The following BACE2 variants were observed in gnomAD, a reference collection of about 807,000 sequenced individuals.
BACE2 encodes beta-secretase 2.
BACE2 carries 17 observed loss-of-function variants against 46.2 expected under a neutral mutation model. That is an observed-to-expected ratio of 0.37 (90% CI 0.25 to 0.55). The LOEUF is 0.55. BACE2 is among the 20% of genes least tolerant of loss of function. The pLI, the probability that BACE2 is intolerant of heterozygous loss-of-function variation, is 0.82. For synonymous variants in BACE2, 277 were observed against 295.9 expected (o/e 0.94, Z 0.66); for missense variants, 595 against 698.1 (o/e 0.85, Z 1.66).
intron 1 of BACE2, chr21:41,181,386 T>C (rs2123498167): frequency 6.0e-6 from 1 of 167,214 alleles, no homozygotes. Flanking sequence ...TGAACAATCT[T>C]TGTTTTCTAG....
chr21:41,189,971 G>A (rs1186603019), intron 1 of BACE2, among the ~76,000 whole-genome samples: 1 of 152,204 alleles, frequency 6.6e-6, no homozygotes, highest in Non-Finnish European at 1.5e-5. Flanking sequence ...GGAGAAAGAT[G>A]TAGGCTGGGA....
rs775074654 is a variant in BACE2 at position 41,179,325 on chromosome 21, A to C, written c.312+10750A>C. 4 of 1,302,972 alleles carry C rather than the reference A, an allele frequency of 3.1e-6. No homozygotes were observed. The Admixed American group carries it at 9.2e-5, about 30-fold the overall frequency. 80.7% of individuals were successfully genotyped at this position (1,302,972 alleles called of 1,614,324 possible). The stretch of plus-strand genomic sequence containing the variant: ...GGTGTCAGGGTGAGTGAGAGTGTCC[A>C]GGGTGAGGAGTGAGGGTATCCAGGG... On this transcript the variant is annotated intron_variant, in intron 1 of 8. Coordinates refer to ENST00000330333, the MANE Select transcript of BACE2 (RefSeq NM_012105.5).
chr21:41,205,555 C>T (rs1986097728), intron 1 of BACE2, among the ~76,000 whole-genome samples: 1 of 152,192 alleles, frequency 6.6e-6, no homozygotes, highest in South Asian at 2.1e-4. Context: ...TGGCAATTCG[C>T]TTCCCCATTA....
intron 1 of BACE2, among the ~76,000 whole-genome samples, chr21:41,219,729 T>A (rs368078563): frequency 6.6e-6 from 1 of 152,248 alleles, no homozygotes; most frequent in Non-Finnish European, 1.5e-5. Context: ...GTGAAATCCA[T>A]GTAAATGCAG....
intron 1 of BACE2, chr21:41,180,124 T>C: frequency 5.1e-6 from 1 of 194,482 alleles, no homozygotes; most frequent in South Asian, 1.3e-4. Flanking sequence ...TTTAATTATA[T>C]GCAAATGAAG....
At chr21:41,225,248 A>AT (rs1246907370) in intron 1 of BACE2, among the ~76,000 whole-genome samples, 2 of 151,902 alleles carry the variant, frequency 1.3e-5, no homozygotes, top group Non-Finnish European at 1.5e-5. Flanking sequence ...AAAAAAAAAA[A>AT]ATATCTAGTC....
intron 1 of BACE2, among the ~76,000 whole-genome samples, chr21:41,173,397 C>G (rs1984675073): frequency 6.6e-6 from 1 of 152,160 alleles, no homozygotes; most frequent in South Asian, 2.1e-4. Flanking sequence ...TTTCTGCTTC[C>G]CTTCTGTACT....
intron 1 of BACE2, chr21:41,184,174 G>C (rs1184386710): frequency 6.0e-6 from 1 of 167,032 alleles, no homozygotes; most frequent in Non-Finnish European, 1.5e-5. Flanking sequence ...TGTATACCCA[G>C]GAGAGCTTGC....
At chr21:41,200,199 A>G (rs953492474) in intron 1 of BACE2, among the ~76,000 whole-genome samples, 6 of 147,680 alleles carry the variant, frequency 4.1e-5, no homozygotes, top group African/African-American at 1.6e-4. Context: ...TTAAAAAAAA[A>G]AACAAAAAAA....
At position 41,281,844 on chromosome 21, in the gene BACE2, CATTT is replaced by C. The variant is rs1164846726; in HGVS notation, c.*6223_*6226del. The C allele has an allele frequency of 6.6e-6, 1 of 152,142 alleles. No homozygotes were observed. The highest frequency in any genetic ancestry group is 2.4e-5 in the African/African-American group (1 of 41,422). 9.4% of individuals were successfully genotyped at this position (152,142 alleles called of 1,614,324 possible). Reference sequence around the variant, plus strand: ...TTCTCATTGTAGATGTCATCTCTCACATTTATATCAGTGAGGTTTGAAATTCTGT... The same window carrying C: ...TTCTCATTGTAGATGTCATCTCTCACATATCAGTGAGGTTTGAAATTCTGT... On this transcript the variant is annotated 3_prime_UTR_variant, in exon 9 of 9. Coordinates refer to ENST00000330333, the MANE Select transcript of BACE2 (RefSeq NM_012105.5).
In BACE2 at chr21:41,276,245, T is replaced by C. The variant is rs2088488404; in HGVS notation, c.*621T>C. The C allele has an allele frequency of 6.5e-6, 1 of 152,820 alleles. No individual in the cohort carries two copies. The highest frequency in any genetic ancestry group is 2.1e-4 in the South Asian group (1 of 4,852). The allele number at this position is 152,820 out of a possible 1,614,324, so 9.5% of individuals were successfully genotyped here. ...AATTCACTAGGAGGTCATCAACCGA[T>C]GGTCCTCACAAGCCTCTTCTGAAGA... On this transcript the variant is annotated 3_prime_UTR_variant, in exon 9 of 9. Transcript: ENST00000330333.
At chr21:41,180,000 G>T (rs569889343) in intron 1 of BACE2, 1 of 346,730 alleles carries the variant, frequency 2.9e-6, no homozygotes, top group Non-Finnish European at 5.8e-6. Context: ...TGAAGCGGCC[G>T]GCTGTGCACA....
intron 1 of BACE2, among the ~76,000 whole-genome samples, chr21:41,192,465 T>C (rs1985607025): frequency 6.6e-6 from 1 of 152,222 alleles, no homozygotes; most frequent in African/African-American, 2.4e-5. Context: ...CAGTTCATGA[T>C]AGTTCAGGTC....
rs536985390 is a variant in BACE2 at position 41,234,678 on chromosome 21, G to A, written c.402-2835G>A. Among the ~76,000 whole-genome samples the A allele has an allele frequency of 1.1e-3, 168 of 152,340 alleles. 1 individual carries two copies. The highest frequency in any genetic ancestry group is 3.8e-3 in the African/African-American group (160 of 41,586). On this transcript the variant is annotated intron_variant, in intron 2 of 8. Coordinates refer to ENST00000330333, the MANE Select transcript of BACE2 (RefSeq NM_012105.5). ...TGAACCCAAATTGTCAAAATGGACT[G>A]AATAATTCAGTATTTTTATTGCTAT... is the stretch of plus-strand genomic sequence containing the variant.
Position 41,275,424 on chromosome 21 carries a change from G to T in BACE2, c.1357G>T (p.Val453Leu). ...TTCCGGGCCTTTCTCAACAGAGGAT[G>T]TAGCCAGCAACTGTGTCCCCGCTCA... is the stretch of plus-strand genomic sequence containing the variant. ...EISGPFSTED[V>L]ASNCVPAQSL... The change falls in exon 9 of 9, where the codon GTA becomes TTA. Residue 453 changes from valine (V) to leucine (L), a missense_variant. Transcript: ENST00000330333. 2 of 1,614,210 alleles carry T rather than the reference G, an allele frequency of 1.2e-6. No homozygotes were observed. The highest frequency in any genetic ancestry group is 1.1e-5 in the South Asian group (1 of 91,082).
At chr21:41,270,146 T>A (rs2088420240) in intron 8 of BACE2, among the ~76,000 whole-genome samples, 1 of 152,226 alleles carries the variant, frequency 6.6e-6, no homozygotes, top group African/African-American at 2.4e-5. Context: ...TTAAATGAAA[T>A]GTCTTTTCAA....
intron 8 of BACE2, 77 bp from the exon 9 acceptor site, chr21:41,275,293 AG>A (rs34805246): frequency 6.3e-7 from 1 of 1,585,774 alleles, no homozygotes; most frequent in Non-Finnish European, 8.6e-7. Context: ...TAATAAACCA[AG>A]GGGTTCTGTC....
At chr21:41,268,489 T>G (rs1177061328) in intron 8 of BACE2, among the ~76,000 whole-genome samples, 2 of 152,244 alleles carry the variant, frequency 1.3e-5, no homozygotes, top group African/African-American at 4.8e-5. Context: ...TTTCGTCTAA[T>G]CTTGAGCAGC....
At chr21:41,168,743 C>G (rs1371771637) in intron 1 of BACE2, among the ~76,000 whole-genome samples, 168 bp downstream of exon 1, 1 of 152,050 alleles carries the variant, frequency 6.6e-6, no homozygotes, top group African/African-American at 2.4e-5. Context: ...CGGGGGCGCT[C>G]GCTCTTGAGT....
Sources: allele counts gnomAD v4.1 joint callset (sites outside exome capture counted in the v4.1 genomes callset), GRCh38; gene constraint gnomAD v4.1.1; transcripts MANE v1.5; gene names NCBI Gene and HGNC (gene_info 2026-07-23, HGNC 2026-07-21).